Variants in SCFD2 observed in about 807,000 individuals in gnomAD.
The protein encoded by SCFD2 is sec1 family domain containing 2.
Under a neutral mutation model 58.9 loss-of-function variants are expected in SCFD2, and 54 were observed. The observed-to-expected ratio is 0.92, with a 90% confidence interval of 0.74 to 1.15. The LOEUF (loss-of-function observed/expected upper bound fraction) is 1.15, where lower values mean the gene tolerates loss of function less well. Ranked by LOEUF, SCFD2 falls within the 50% of genes most tolerant of loss-of-function variation. The pLI, the probability that SCFD2 is intolerant of heterozygous loss-of-function variation, is 0.00. For synonymous variants in SCFD2, 321 were observed against 335.9 expected, an observed-to-expected ratio of 0.96 and a Z score of 0.49; for missense variants, 805 against 836.6, an observed-to-expected ratio of 0.96 and a Z score of 0.47.
chr4:53,316,979 C>T (rs753814219), intron 2 of SCFD2, among the ~76,000 whole-genome samples: 4 of 151,714 alleles, frequency 2.6e-5, no homozygotes, highest in Non-Finnish European at 5.9e-5. Context: ...TGGTGGTGTG[C>T]GCCTATAATC....
chr4:52,892,207 C>G (rs113977282), intron 7 of SCFD2, among the ~76,000 whole-genome samples: 1,583 of 152,298 alleles, frequency 0.01, 33 homozygotes, highest in African/African-American at 0.037. Flanking sequence ...CCCTAGACAG[C>G]CTCCACTCAT....
rs574388641 is a variant in SCFD2, at chr4:53,361,680, C to T, written c.838+3424G>A. On this transcript the variant is annotated intron_variant, in intron 1 of 8. Transcript: ENST00000401642. ...GAATTACAGGCATGAGCCACCACAC[C>T]CGGTAAGAAGTGGTTTTTATCTATA... Among the ~76,000 whole-genome samples the T allele has an allele frequency of 3.9e-5, 6 of 152,288 alleles. No individual in the cohort carries two copies. In the South Asian group the frequency reaches 1.2e-3, roughly 32 times the overall value.
At chr4:53,181,382 T>A (rs1029355535) in intron 4 of SCFD2, among the ~76,000 whole-genome samples, 1 of 152,158 alleles carries the variant, frequency 6.6e-6, no homozygotes, top group Non-Finnish European at 1.5e-5. Flanking sequence ...ATCCAACATA[T>A]AAACAGAACC....
At chr4:53,232,892 A>C (rs1369407559) in intron 4 of SCFD2, among the ~76,000 whole-genome samples, 1 of 152,184 alleles carries the variant, frequency 6.6e-6, no homozygotes, top group Non-Finnish European at 1.5e-5. Flanking sequence ...GAATGAGAAG[A>C]ACAGAGGGAG....
At chr4:52,992,400 G>A (rs1721632686) in intron 5 of SCFD2, among the ~76,000 whole-genome samples, 1 of 152,220 alleles carries the variant, frequency 6.6e-6, no homozygotes, top group Admixed American at 6.5e-5. Flanking sequence ...CCAGCCGCCT[G>A]CCTTGGCCTC....
chr4:52,955,295 G>T (rs906998705), intron 5 of SCFD2, among the ~76,000 whole-genome samples: 6 of 152,098 alleles, frequency 3.9e-5, no homozygotes, highest in African/African-American at 1.4e-4. Flanking sequence ...CACACCTTTG[G>T]TCTTCTTGCT....
chr4:53,283,714 G>A (rs373305804), intron 3 of SCFD2, among the ~76,000 whole-genome samples: 96 of 151,824 alleles, frequency 6.3e-4, no homozygotes, highest in South Asian at 1.3e-3. Flanking sequence ...GATTACAGGC[G>A]CCCACCACCA....
intron 1 of SCFD2, among the ~76,000 whole-genome samples, chr4:53,354,796 T>C (rs1483014089): frequency 6.6e-6 from 1 of 152,040 alleles, no homozygotes; most frequent in Non-Finnish European, 1.5e-5. Context: ...TCTTCTATTT[T>C]TTTTTCTTTT....
chr4:53,214,237 T>G (rs1205960735), intron 4 of SCFD2, among the ~76,000 whole-genome samples: 1 of 152,160 alleles, frequency 6.6e-6, no homozygotes. Context: ...CCACACTGAC[T>G]TCCACAATGG....
At chr4:53,183,773 G>C (rs943649804) in intron 4 of SCFD2, among the ~76,000 whole-genome samples, 3 of 151,996 alleles carry the variant, frequency 2.0e-5, no homozygotes, top group Non-Finnish European at 4.4e-5. Context: ...TTGGCTACTA[G>C]GATGATGGAA....
chr4:52,942,120 A>G (rs955835406), intron 5 of SCFD2, among the ~76,000 whole-genome samples: 8 of 152,164 alleles, frequency 5.3e-5, no homozygotes, highest in Non-Finnish European at 7.4e-5. Flanking sequence ...TCTAGTGTCT[A>G]TGTGTGGTAG....
chr4:53,351,768 T>A (rs1357812052), intron 2 of SCFD2, among the ~76,000 whole-genome samples: 1 of 152,204 alleles, frequency 6.6e-6, no homozygotes, highest in Non-Finnish European at 1.5e-5. Flanking sequence ...ATCCAATAAG[T>A]ATTCTTAAAT....
intron 6 of SCFD2, among the ~76,000 whole-genome samples, chr4:52,917,511 C>T (rs537004622): frequency 1.1e-4 from 17 of 152,302 alleles, no homozygotes; most frequent in African/African-American, 4.1e-4. Flanking sequence ...TACCCACCCA[C>T]TAGGTGGCAA....
chr4:53,225,075 TA>T (rs1236052047), intron 4 of SCFD2, among the ~76,000 whole-genome samples: 1 of 152,146 alleles, frequency 6.6e-6, no homozygotes, highest in Admixed American at 6.5e-5. Context: ...TTATTATAAA[TA>T]AAAACCATAA....
chr4:53,078,211 C>G (rs1724040075), intron 5 of SCFD2, among the ~76,000 whole-genome samples: 1 of 152,092 alleles, frequency 6.6e-6, no homozygotes, highest in African/African-American at 2.4e-5. Flanking sequence ...AAGTACTCGC[C>G]TAGGATCAGA....
intron 5 of SCFD2, among the ~76,000 whole-genome samples, chr4:53,043,971 G>A (rs13143381): frequency 0.26 from 38,956 of 151,916 alleles, 5,323 homozygotes; most frequent in East Asian, 0.32. Flanking sequence ...TGGTAGCCCC[G>A]GAGTTCACTG....
At chr4:52,978,893 T>C (rs1193355330) in intron 5 of SCFD2, among the ~76,000 whole-genome samples, 3 of 151,814 alleles carry the variant, frequency 2.0e-5, no homozygotes, top group Non-Finnish European at 4.4e-5. Context: ...CTAAGAAAAA[T>C]GTGTTTAGCC....
chr4:52,918,344 C>T (rs1719656041), intron 6 of SCFD2, among the ~76,000 whole-genome samples: 1 of 152,130 alleles, frequency 6.6e-6, no homozygotes, highest in South Asian at 2.1e-4. Context: ...ATGTATTGTA[C>T]TTAAGATGTA....
At chr4:53,108,463 G>T (rs1725069532) in intron 5 of SCFD2, among the ~76,000 whole-genome samples, 1 of 151,662 alleles carries the variant, frequency 6.6e-6, no homozygotes, top group Admixed American at 6.6e-5. Context: ...AAATAGATAA[G>T]TGACTAGTCA....
Sources: allele counts gnomAD v4.1 joint callset (sites outside exome capture counted in the v4.1 genomes callset), GRCh38; gene constraint gnomAD v4.1.1; transcripts MANE v1.5; gene names NCBI Gene and HGNC (gene_info 2026-07-23, HGNC 2026-07-21).